The following TMTC1 variants were observed in gnomAD, a reference collection of about 807,000 sequenced individuals.
TMTC1 encodes protein O-mannosyl-transferase TMTC1.
TMTC1 carries 73 observed loss-of-function variants against 104.8 expected under a neutral mutation model. The observed-to-expected ratio is 0.70, with a 90% confidence interval of 0.58 to 0.85. The LOEUF is 0.85. Ranked by LOEUF, TMTC1 falls within the 40% of genes least tolerant of loss-of-function variation. TMTC1 has a pLI of 0.00. For synonymous variants in TMTC1, 434 were observed against 428.7 expected (o/e 1.01, Z -0.15); for missense variants, 1,035 against 1,096.1 (o/e 0.94, Z 0.79).
At chr12:29,755,937 A>G in intron 3 of TMTC1, 52 bp from the exon 4 acceptor site, 1 of 1,554,128 alleles carries the variant, frequency 6.4e-7, no homozygotes. Context: ...ATGGTCTGCT[A>G]AGAAATGCCA....
intron 5 of TMTC1, among the ~76,000 whole-genome samples, chr12:29,702,781 A>G (rs1476079641): frequency 6.6e-6 from 1 of 151,298 alleles, no homozygotes; most frequent in Non-Finnish European, 1.5e-5. Flanking sequence ...AGATTGGTTC[A>G]TTGACATAAG....
At chr12:29,520,763 C>A in intron 11 of TMTC1, 43 bp from the exon 12 acceptor site, 1 of 1,491,056 alleles carries the variant, frequency 6.7e-7, no homozygotes, top group Non-Finnish European at 9.2e-7. Context: ...AGAAAGCTTT[C>A]TAAAACCAAC....
chr12:29,561,569 C>G (rs1401886584), intron 9 of TMTC1, among the ~76,000 whole-genome samples: 1 of 152,180 alleles, frequency 6.6e-6, no homozygotes, highest in Non-Finnish European at 1.5e-5. Context: ...TACGTGCTTT[C>G]TGATTTACCC....
intron 5 of TMTC1, among the ~76,000 whole-genome samples, chr12:29,636,391 G>GTT (rs1465847320): frequency 2.0e-5 from 3 of 152,268 alleles, no homozygotes; most frequent in African/African-American, 7.2e-5. Flanking sequence ...TTAATTTTGA[G>GTT]TTTACGTTTT....
Position 29,633,218 on chromosome 12 carries a change from G to C in TMTC1, c.1057C>G (p.Arg353Gly), listed in dbSNP as rs770862561. 2 of 1,613,958 alleles carry C rather than the reference G, an allele frequency of 1.2e-6. No individual in the cohort carries two copies. The highest frequency in any genetic ancestry group is 1.7e-4 in the Middle Eastern group (1 of 6,050). The stretch of plus-strand genomic sequence containing the variant: ...GCCAGAAAGATGGTGGCTAAGTTCC[G>C]CATGTCCCATATGGTCTCTACCAGA... ...IPLVETIWDM[R>G]NLATIFLAVV... Residue 353 changes from arginine to glycine, a missense_variant, in exon 6 of 18, where the codon CGG (arginine) becomes GGG (glycine). Arg to Gly is a moderately radical substitution (Grantham distance 125). Transcript: ENST00000539277.
intron 5 of TMTC1, among the ~76,000 whole-genome samples, chr12:29,649,373 A>T (rs887655686): frequency 1.4e-4 from 21 of 152,234 alleles, no homozygotes; most frequent in Admixed American, 7.2e-4. Flanking sequence ...ATAATAGAGC[A>T]TTCTTTGTGA....
chr12:29,654,756 T>C (rs1939677818), intron 5 of TMTC1, among the ~76,000 whole-genome samples: 1 of 151,454 alleles, frequency 6.6e-6, no homozygotes, highest in Non-Finnish European at 1.5e-5. Context: ...TATAGCCATA[T>C]AATGGAATGC....
intron 5 of TMTC1, among the ~76,000 whole-genome samples, chr12:29,727,932 A>C (rs1370045930): frequency 6.6e-6 from 1 of 152,098 alleles, no homozygotes; most frequent in African/African-American, 2.4e-5. Flanking sequence ...TGGGACTACA[A>C]GTGTGCACCA....
At chr12:29,656,714 G>A (rs1939776673) in intron 5 of TMTC1, among the ~76,000 whole-genome samples, 1 of 152,124 alleles carries the variant, frequency 6.6e-6, no homozygotes, top group South Asian at 2.1e-4. Flanking sequence ...TGGATGGACT[G>A]ATTCACAGAC....
At chr12:29,780,466 C>T (rs924173388) in intron 1 of TMTC1, among the ~76,000 whole-genome samples, 1 of 152,120 alleles carries the variant, frequency 6.6e-6, no homozygotes, top group Non-Finnish European at 1.5e-5. Context: ...AGAACAGATT[C>T]ATGGTTGTTA....
intron 9 of TMTC1, among the ~76,000 whole-genome samples, chr12:29,563,768 A>G (rs1945438449): frequency 6.6e-6 from 1 of 152,242 alleles, no homozygotes; most frequent in Non-Finnish European, 1.5e-5. Flanking sequence ...ACAATGTGCC[A>G]GACCGTTTGC....
chr12:29,507,021 A>T (rs1457103125), intron 17 of TMTC1, 35 bp from the exon 18 acceptor site: 1 of 1,591,078 alleles, frequency 6.3e-7, no homozygotes, highest in Non-Finnish European at 8.6e-7. Flanking sequence ...TTACATTCTG[A>T]TCCATCACAA....
intron 7 of TMTC1, among the ~76,000 whole-genome samples, chr12:29,584,801 G>A (rs1946083760): frequency 6.6e-6 from 1 of 150,986 alleles, no homozygotes; most frequent in Admixed American, 6.6e-5. Flanking sequence ...AGTATTCCAT[G>A]GTGTATATGT....
chr12:29,660,995 T>A, intron 5 of TMTC1: 1 of 475,352 alleles, frequency 2.1e-6, no homozygotes, highest in Admixed American at 4.5e-5. Flanking sequence ...AGAACAATGC[T>A]GAGAGCAGGG....
intron 7 of TMTC1, among the ~76,000 whole-genome samples, chr12:29,598,011 A>T (rs75652782): frequency 0.09 from 13,671 of 152,226 alleles, 839 homozygotes; most frequent in East Asian, 0.16. Flanking sequence ...AACCAGTGAA[A>T]ACCACCATTT....
chr12:29,770,452 A>C (rs1196852783), intron 1 of TMTC1, among the ~76,000 whole-genome samples: 1 of 152,178 alleles, frequency 6.6e-6, no homozygotes, highest in Admixed American at 6.6e-5. Flanking sequence ...GTTGGCTTAA[A>C]TTTAATAACA....
intron 10 of TMTC1, among the ~76,000 whole-genome samples, chr12:29,545,088 T>C (rs535691091): frequency 6.6e-6 from 1 of 152,194 alleles, no homozygotes; most frequent in Admixed American, 6.5e-5. Flanking sequence ...CACTTGCTCC[T>C]TTCTCCTCTC....
chr12:29,568,675 T>G (rs1296940698), intron 9 of TMTC1: 1 of 193,730 alleles, frequency 5.2e-6, no homozygotes, highest in Non-Finnish European at 1.1e-5. Context: ...TTCTCCATTT[T>G]TAACTGACTT....
chr12:29,730,759 C>A (rs1292356643), intron 5 of TMTC1, among the ~76,000 whole-genome samples: 5 of 152,154 alleles, frequency 3.3e-5, no homozygotes, highest in Non-Finnish European at 1.5e-5. Context: ...CTGTTAGCTT[C>A]CAAAGTCTTC....
Sources: gnomAD v4.1 joint callset for allele counts (sites outside exome capture counted in the v4.1 genomes callset) on GRCh38, gnomAD v4.1.1 for gene constraint, MANE v1.5 for transcripts, NCBI Gene and HGNC (gene_info 2026-07-23, HGNC 2026-07-21) for gene names.